EFTUD2: variants seen among roughly 807,000 people sequenced by gnomAD.
EFTUD2 encodes the protein elongation factor Tu GTP binding domain containing 2.
In EFTUD2, 9 loss-of-function variants were observed where a neutral mutation model predicts 114.3. The observed-to-expected ratio is 0.08, with a 90% CI of 0.05 to 0.14. The LOEUF is 0.14. EFTUD2 is among the 10% of genes least tolerant of loss of function. The probability of loss-of-function intolerance (pLI) is 1.00; values close to 1 mark genes in which losing one functional copy is unlikely to be tolerated. For missense variants in EFTUD2, 765 were observed against 1,241.2 expected, an observed-to-expected ratio of 0.62 and a Z score of 5.76; for synonymous variants, 449 against 462.3, an observed-to-expected ratio of 0.97 and a Z score of 0.37.
At chr17:44,860,578 A>T in intron 16 of EFTUD2, 35 bp from the exon 17 acceptor site, 21 of 1,178,512 alleles carry the variant, frequency 1.8e-5, no homozygotes, top group Non-Finnish European at 2.5e-5. Flanking sequence ...AGTGAAACTT[A>T]GGCAGAGCAT....
Position 44,871,495 on chromosome 17 carries a change from C to T in EFTUD2, c.994+951G>A, listed in dbSNP as rs148847974. On this transcript the variant is annotated intron_variant, in intron 11 of 27. Transcript: ENST00000426333. The stretch of plus-strand genomic sequence containing the variant: ...CTGGGACTACACGTGCCCGCCACCA[C>T]GCCTGGCTAATTTTTTTGCATTTTT... Among the ~76,000 whole-genome samples, 1,008 of 152,082 alleles carry T rather than the reference C, an allele frequency of 6.6e-3. 11 individuals carry two copies. The highest frequency in any genetic ancestry group is 0.023 in the African/African-American group (945 of 41,488).
At chr17:44,888,573 G>A (rs2051218059) in intron 2 of EFTUD2, among the ~76,000 whole-genome samples, 2 of 152,292 alleles carry the variant, frequency 1.3e-5, no homozygotes, top group African/African-American at 4.8e-5. Flanking sequence ...GTGGTGGCTT[G>A]GAGTAGACAG....
chr17:44,863,860 T>C (rs1276403940), intron 14 of EFTUD2, 78 bp from the exon 15 acceptor site: 2 of 1,569,556 alleles, frequency 1.3e-6, no homozygotes, highest in African/African-American at 1.4e-5. Context: ...CCATTCACAA[T>C]GGTCAAAAAG....
chr17:44,856,971 G>C (rs2050568289), intron 20 of EFTUD2, 104 bp downstream of exon 20: 2 of 926,094 alleles, frequency 2.2e-6, no homozygotes. Context: ...GAGCTGTAGA[G>C]GTCTCTATGT....
intron 16 of EFTUD2, among the ~76,000 whole-genome samples, chr17:44,861,124 G>A (rs374776640): frequency 3.3e-5 from 5 of 152,144 alleles, no homozygotes; most frequent in African/African-American, 4.8e-5. Context: ...TGCCCAAGGT[G>A]TCGACTGTAA....
At chr17:44,896,796 T>C (rs529148979) in intron 1 of EFTUD2, among the ~76,000 whole-genome samples, 100 of 152,394 alleles carry the variant, frequency 6.6e-4, no homozygotes, top group Admixed American at 3.4e-3. Flanking sequence ...CCAACAACTA[T>C]GTAACTTGAG....
chr17:44,881,641 G>C lies in EFTUD2; in HGVS notation c.528+46C>G, dbSNP rs767742522. On this transcript the variant is annotated intron_variant, in intron 7 of 27. Coordinates refer to ENST00000426333, the MANE Select transcript of EFTUD2 (RefSeq NM_004247.4). ...TACATTCCCTACAAAACTATTACTGGTGGGTCTGGTGTAGGTGACAATCAG... is the reference window on the plus strand; with the variant it reads ...TACATTCCCTACAAAACTATTACTGCTGGGTCTGGTGTAGGTGACAATCAG... 3.1e-6 allele frequency: 5 copies of C among 1,605,276 alleles called. No individual in the cohort carries two copies. The South Asian group carries it at 5.5e-5, about 18-fold the overall frequency.
chr17:44,859,715 CACACACACAT>C lies in EFTUD2; in HGVS notation c.1860+180_1860+189del, dbSNP rs2050621395. On this transcript the variant is annotated intron_variant, in intron 18 of 27. Coordinates refer to ENST00000426333, the MANE Select transcript of EFTUD2 (RefSeq NM_004247.4). ...CCCTCCTACACAGGTCTTGTTTTAA[CACACACACAT>C]ACACACACACACGTGTCTTGTCCTG... 20 of 869,878 alleles carry C rather than the reference CACACACACAT, an allele frequency of 2.3e-5. No individual in the cohort carries two copies. In the East Asian group the frequency reaches 5.4e-4, roughly 24 times the overall value. 53.9% of individuals were successfully genotyped at this position (869,878 alleles called of 1,614,324 possible).
chr17:44,885,869 T>A (rs937665507), intron 3 of EFTUD2, among the ~76,000 whole-genome samples: 1 of 152,028 alleles, frequency 6.6e-6, no homozygotes, highest in Non-Finnish European at 1.5e-5. Flanking sequence ...GTTCAAGCGA[T>A]CCTCCTGCTC....
At chr17:44,859,548 CT>C (rs2050617954) in intron 18 of EFTUD2, 2 of 496,876 alleles carry the variant, frequency 4.0e-6, no homozygotes, top group Non-Finnish European at 7.3e-6. Context: ...TAACAACTCA[CT>C]TTTCCTTCTC....
intron 9 of EFTUD2, 129 bp from the exon 10 acceptor site, chr17:44,876,229 T>C: frequency 9.0e-7 from 1 of 1,106,144 alleles, no homozygotes; most frequent in South Asian, 1.8e-5. Flanking sequence ...GAAATATTAC[T>C]GGGTGGAAGC....
chr17:44,892,554 C>A (rs965558327), intron 2 of EFTUD2, among the ~76,000 whole-genome samples: 43 of 151,534 alleles, frequency 2.8e-4, no homozygotes, highest in Admixed American at 2.5e-3. Flanking sequence ...ACAAAGGAAA[C>A]CTTTCTATCA....
chr17:44,865,165 C>A, intron 13 of EFTUD2, 100 bp from the exon 14 acceptor site: 1 of 1,501,244 alleles, frequency 6.7e-7, no homozygotes, highest in Non-Finnish European at 9.0e-7. Flanking sequence ...AGAACTCCTT[C>A]ACAAGGCTCT....
chr17:44,854,153 T>G lies in EFTUD2; in HGVS notation c.2347+116A>C. The G allele has an allele frequency of 2.1e-6, 3 of 1,420,804 alleles. No homozygotes were observed. The highest frequency in any genetic ancestry group is 2.9e-6 in the Non-Finnish European group (3 of 1,052,550). 88.0% of individuals were successfully genotyped at this position (1,420,804 alleles called of 1,614,324 possible). On this transcript the variant is annotated intron_variant, in intron 23 of 27. Coordinates refer to ENST00000426333, the MANE Select transcript of EFTUD2 (RefSeq NM_004247.4). This position sits in a 1 kb window ranked among gnomAD's most constrained non-coding sequence, Gnocchi z 4.3. ...GCTGGCCCAGGACTTGGGATGGTCC[T>G]GTGTACCCCAAGCTGCTTCTCCTGC...
Position 44,854,472 on chromosome 17 carries a change from T to C in EFTUD2, c.2259+84A>G. 6.3e-7 allele frequency: 1 copy of C among 1,580,210 alleles called. No individual in the cohort carries two copies. Among genetic ancestry groups the C allele is most frequent in the Non-Finnish European group, 8.6e-7 (1 of 1,160,196 alleles). ...CTGTCCTTCACCAGAGGACACAAGA[T>C]ACTTTTGGGAAAAGAACACTTTGTA... On this transcript the variant is annotated intron_variant, in intron 22 of 27. Coordinates refer to ENST00000426333, the MANE Select transcript of EFTUD2 (RefSeq NM_004247.4). This position sits in a 1 kb window ranked among gnomAD's most constrained non-coding sequence, Gnocchi z 4.3.
At chr17:44,853,769 G>A in intron 23 of EFTUD2, 134 bp from the exon 24 acceptor site, 3 of 1,493,584 alleles carry the variant, frequency 2.0e-6, no homozygotes, top group Non-Finnish European at 2.7e-6. Flanking sequence ...TCAAATGGGA[G>A]GTGGGCGTTC....
intron 8 of EFTUD2, 56 bp from the exon 9 acceptor site, chr17:44,879,694 C>T: frequency 1.3e-6 from 2 of 1,570,432 alleles, no homozygotes; most frequent in South Asian, 2.2e-5. Context: ...GCACAATTAA[C>T]TGGTAGGGTG....
At chr17:44,868,494 A>G in intron 11 of EFTUD2, 144 bp from the exon 12 acceptor site, 1 of 702,362 alleles carries the variant, frequency 1.4e-6, no homozygotes, top group Non-Finnish European at 2.3e-6. Context: ...CCAGAGAGGA[A>G]AACGAGGACA....
chr17:44,883,855 G>A, intron 4 of EFTUD2, 131 bp from the exon 5 acceptor site: 2 of 757,518 alleles, frequency 2.6e-6, no homozygotes, highest in Non-Finnish European at 2.3e-6. Flanking sequence ...TCAGGCAGAT[G>A]TGAATGTCTA....
Sources: allele counts gnomAD v4.1 joint callset (sites outside exome capture counted in the v4.1 genomes callset), GRCh38; gene constraint gnomAD v4.1.1; non-coding constraint Gnocchi (gnomAD v3.1); transcripts MANE v1.5; gene names NCBI Gene and HGNC (gene_info 2026-07-23, HGNC 2026-07-21).